Variants in SOBP observed in about 807,000 individuals in gnomAD.
SOBP encodes sine oculis binding protein homolog.
In SOBP, 4 loss-of-function variants were observed where a neutral mutation model predicts 53.6. The ratio of observed to expected loss-of-function variants is 0.07; its 90% CI spans 0.04 to 0.17. The LOEUF is 0.17. SOBP is among the 10% of genes least tolerant of loss of function. SOBP has a pLI of 1.00. For missense variants in SOBP, 1,088 were observed against 1,204.7 expected (o/e 0.90, Z 1.43); for synonymous variants, 584 against 522.6 (o/e 1.12, Z -1.60).
At chr6:107,540,331 T>C (rs756141926) in intron 4 of SOBP, among the ~76,000 whole-genome samples, 3 of 152,264 alleles carry the variant, frequency 2.0e-5, no homozygotes, top group Non-Finnish European at 4.4e-5. Flanking sequence ...AAGCCATATG[T>C]AATTCTTTGT....
rs573308440 is a variant in SOBP, at chr6:107,616,379, A to C, written c.670-17135A>C. Among the ~76,000 whole-genome samples the C allele has an allele frequency of 2.0e-5, 3 of 152,316 alleles. No individual in the cohort carries two copies. In the South Asian group the frequency reaches 6.2e-4, roughly 32 times the overall value. The stretch of plus-strand genomic sequence containing the variant: ...TAAGAACAGACATTTGCATTCAGGT[A>C]TTTTGCATATGCCATTGATAGCACT... On this transcript the variant is annotated intron_variant, in intron 5 of 6. Transcript: ENST00000317357.
At chr6:107,630,769 TC>T (rs1770681834) in intron 5 of SOBP, among the ~76,000 whole-genome samples, 1 of 151,868 alleles carries the variant, frequency 6.6e-6, no homozygotes, top group Non-Finnish European at 1.5e-5. Context: ...TCTCTCTCTC[TC>T]TCTCTCTCTC....
intron 5 of SOBP, among the ~76,000 whole-genome samples, chr6:107,609,675 G>A (rs752986669): frequency 4.5e-4 from 69 of 152,236 alleles, no homozygotes; most frequent in Non-Finnish European, 7.2e-4. Context: ...CCTGGTGAGG[G>A]GGTAATCTTG....
chr6:107,519,219 G>A (rs899414945), intron 3 of SOBP, among the ~76,000 whole-genome samples: 2 of 148,022 alleles, frequency 1.4e-5, no homozygotes, highest in East Asian at 1.9e-4. Flanking sequence ...TGGTAATATC[G>A]GGAGACATTT....
At chr6:107,550,348 C>G (rs956370311) in intron 4 of SOBP, among the ~76,000 whole-genome samples, 3 of 152,186 alleles carry the variant, frequency 2.0e-5, no homozygotes, top group Admixed American at 6.5e-5. Flanking sequence ...GGTTTCTGCT[C>G]AGAAGAGTGT....
At position 107,498,798 on chromosome 6, in the gene SOBP, A is replaced by G. The variant is rs185146987; in HGVS notation, c.97-4859A>G. 5.3e-5 allele frequency among the ~76,000 whole-genome samples: 8 copies of G among 152,322 alleles called. No individual in the cohort carries two copies. The East Asian group carries it at 1.5e-3, about 29-fold the overall frequency. ...TTTTGTTTTTGTTTTAATTCTCAGA[A>G]GAGATCATGCTTTCAGACTAAATGT... On this transcript the variant is annotated intron_variant, in intron 1 of 6. Transcript: ENST00000317357.
Position 107,584,202 on chromosome 6 carries a change from C to T in SOBP, c.574-2878C>T, listed in dbSNP as rs1451242818. Among the ~76,000 whole-genome samples, 3 of 151,328 alleles carry T rather than the reference C, an allele frequency of 2.0e-5. No individual in the cohort carries two copies. The East Asian group carries it at 5.8e-4, about 29-fold the overall frequency. On this transcript the variant is annotated intron_variant, in intron 4 of 6. Coordinates refer to ENST00000317357, the MANE Select transcript of SOBP (RefSeq NM_018013.4). Reference sequence around the variant, plus strand: ...TTTCTAAAAACCACCTGTGTCCAGGCCCCAGTTAAAGCACAATCTTAGAAA... The same window carrying T: ...TTTCTAAAAACCACCTGTGTCCAGGTCCCAGTTAAAGCACAATCTTAGAAA...
intron 3 of SOBP, among the ~76,000 whole-genome samples, chr6:107,509,395 CAA>C (rs1209752245): frequency 6.1e-5 from 4 of 65,554 alleles, no homozygotes; most frequent in Admixed American, 1.7e-4. Context: ...ACTCCTGTCT[CAA>C]AAAAAAAAAA....
intron 6 of SOBP, among the ~76,000 whole-genome samples, chr6:107,646,943 T>A (rs1222749807): frequency 6.6e-6 from 1 of 152,164 alleles, no homozygotes; most frequent in East Asian, 1.9e-4. Context: ...GAGATTGCTG[T>A]AAGAGACAGG....
At chr6:107,606,786 C>T (rs1786401734) in intron 5 of SOBP, among the ~76,000 whole-genome samples, 1 of 152,212 alleles carries the variant, frequency 6.6e-6, no homozygotes, top group Non-Finnish European at 1.5e-5. Context: ...CTTGACTGGC[C>T]TCCCTCTGCT....
At chr6:107,583,030 C>T (rs995521912) in intron 4 of SOBP, among the ~76,000 whole-genome samples, 3 of 152,248 alleles carry the variant, frequency 2.0e-5, no homozygotes, top group Non-Finnish European at 2.9e-5. Context: ...GTCCACCCTC[C>T]TTGTTAAGCC....
intron 5 of SOBP, among the ~76,000 whole-genome samples, chr6:107,608,742 C>T (rs1293126779): frequency 6.6e-6 from 1 of 152,218 alleles, no homozygotes; most frequent in Non-Finnish European, 1.5e-5. Context: ...GAGACAGATA[C>T]TGCCCTCAAG....
intron 2 of SOBP, among the ~76,000 whole-genome samples, chr6:107,505,167 G>C (rs1782947329): frequency 6.6e-6 from 1 of 152,170 alleles, no homozygotes; most frequent in African/African-American, 2.4e-5. Context: ...ATTGGTTCAT[G>C]TGATTATATT....
chr6:107,521,909 AACACACACACACACACACACACACAC>A (rs34004579), intron 3 of SOBP, among the ~76,000 whole-genome samples: 3 of 139,370 alleles, frequency 2.2e-5, no homozygotes, highest in South Asian at 2.4e-4. Flanking sequence ...CAGACATTAA[AACACACACACACACACACACACACAC>A]ACACACACAC....
At chr6:107,603,720 G>A (rs182709257) in intron 5 of SOBP, among the ~76,000 whole-genome samples, 10 of 152,310 alleles carry the variant, frequency 6.6e-5, no homozygotes, top group Admixed American at 5.9e-4. Flanking sequence ...TCCCTGAGAT[G>A]TGAGATACCA....
At chr6:107,613,092 C>G (rs1393176644) in intron 5 of SOBP, among the ~76,000 whole-genome samples, 6 of 152,182 alleles carry the variant, frequency 3.9e-5, no homozygotes, top group African/African-American at 7.2e-5. Context: ...AACAAGCTCT[C>G]CAGGTGACTC....
chr6:107,563,640 G>T (rs879391884), intron 4 of SOBP, among the ~76,000 whole-genome samples: 7 of 149,798 alleles, frequency 4.7e-5, no homozygotes, highest in Admixed American at 6.6e-5. Context: ...CCACAGAAAA[G>T]AATAAGCATT....
intron 4 of SOBP, among the ~76,000 whole-genome samples, chr6:107,537,819 C>CAAA (rs527261424): frequency 3.2e-5 from 3 of 94,672 alleles, no homozygotes; most frequent in Admixed American, 1.1e-4. Context: ...GACCCTATCT[C>CAAA]AAAAAAAAAA....
Position 107,634,660 on chromosome 6 carries a change from C to G in SOBP, c.1816C>G (p.Leu606Val), listed in dbSNP as rs1770912164. 6.4e-7 allele frequency: 1 copy of G among 1,553,678 alleles called. No individual in the cohort carries two copies. The highest frequency in any genetic ancestry group is 1.2e-5 in the South Asian group (1 of 86,724). ...DSPPGCSGQA[L>V]SLAPTPAEHG... ...GCCCCCCGGCTGCTCGGGCCAGGCC[C>G]TGAGCCTGGCGCCCACGCCCGCCGA... The change falls in exon 6 of 7, where the codon CTG becomes GTG. Residue 606 changes from leucine to valine, a missense_variant. By Grantham distance (32) the Leu-to-Val change is conservative (BLOSUM62 1). Coordinates refer to ENST00000317357, the MANE Select transcript of SOBP (RefSeq NM_018013.4). The surrounding 1 kb of genome is among the most constrained non-coding windows in gnomAD (Gnocchi z 4.5).
Sources: gnomAD v4.1 joint callset for allele counts (sites outside exome capture counted in the v4.1 genomes callset) on GRCh38, gnomAD v4.1.1 for gene constraint, Gnocchi (gnomAD v3.1) non-coding constraint, MANE v1.5 for transcripts, NCBI Gene and HGNC (gene_info 2026-07-23, HGNC 2026-07-21) for gene names.